CADM1: variants seen among roughly 807,000 people sequenced by gnomAD.
The protein encoded by CADM1 is TSLC-1.
Under a neutral mutation model 53.1 loss-of-function variants are expected in CADM1, and 15 were observed. The observed-to-expected ratio is 0.28, with a 90% CI of 0.19 to 0.44. The LOEUF is 0.44. Among genes scored for constraint, CADM1 ranks in the 20% least tolerant of loss-of-function variants. The pLI is 1.00. For synonymous variants in CADM1, 281 were observed against 243.0 expected, an observed-to-expected ratio of 1.16 and a Z score of -1.45; for missense variants, 434 against 611.3, an observed-to-expected ratio of 0.71 and a Z score of 3.06.
intron 1 of CADM1, among the ~76,000 whole-genome samples, chr11:115,388,297 T>C (rs907552674): frequency 6.6e-6 from 1 of 152,046 alleles, no homozygotes; most frequent in African/African-American, 2.4e-5. Context: ...AAATTCTTTA[T>C]AGGAGAATGC....
intron 1 of CADM1, among the ~76,000 whole-genome samples, chr11:115,448,040 A>G (rs1033029147): frequency 1.3e-5 from 2 of 152,142 alleles, no homozygotes; most frequent in African/African-American, 4.8e-5. Context: ...AACGAGTCAC[A>G]GTAAGCTTTC....
At chr11:115,482,282 T>C (rs751353806) in intron 1 of CADM1, among the ~76,000 whole-genome samples, 4 of 152,222 alleles carry the variant, frequency 2.6e-5, no homozygotes, top group Non-Finnish European at 5.9e-5. Context: ...TCCTGAACTA[T>C]ATCTATTATG....
At chr11:115,400,567 T>C (rs1947112264) in intron 1 of CADM1, among the ~76,000 whole-genome samples, 1 of 143,518 alleles carries the variant, frequency 7.0e-6, no homozygotes, top group Non-Finnish European at 1.5e-5. Context: ...TGGTGATATA[T>C]ATATATATAT....
rs748855180 is a variant in CADM1, at chr11:115,174,273, T to G, written c.*2201A>C. On this transcript the variant is annotated 3_prime_UTR_variant, in exon 12 of 12. Transcript: ENST00000331581. ...TCTGTGAGCAATGGTGTGATTTTTT[T>G]TTTTTGTTTTTGTTTTTGTTTTTCT... 1,940 of 570,240 alleles carry G rather than the reference T, an allele frequency of 3.4e-3. 3 individuals are homozygous for G. The highest frequency in any genetic ancestry group is 4.2e-3 in the African/African-American group (205 of 48,644). 35.3% of individuals were successfully genotyped at this position (570,240 alleles called of 1,614,324 possible). A position where few individuals can be genotyped will look rare whatever the true frequency, so the allele number is the denominator to read the frequency against.
intron 1 of CADM1, among the ~76,000 whole-genome samples, chr11:115,283,222 G>C (rs1943634066): frequency 6.6e-6 from 1 of 152,166 alleles, no homozygotes; most frequent in African/African-American, 2.4e-5. Flanking sequence ...GCATTTTAGA[G>C]GCTACGCAAA....
At chr11:115,372,344 G>T (rs925343245) in intron 1 of CADM1, among the ~76,000 whole-genome samples, 1 of 151,692 alleles carries the variant, frequency 6.6e-6, no homozygotes, top group Non-Finnish European at 1.5e-5. Context: ...TTCTTATATT[G>T]TACTTTTGGA....
intron 1 of CADM1, among the ~76,000 whole-genome samples, chr11:115,412,749 A>C (rs1409967702): frequency 3.3e-5 from 5 of 152,144 alleles, no homozygotes; most frequent in Admixed American, 3.3e-4. Flanking sequence ...ATTTACCATT[A>C]ATCTATCCTA....
At chr11:115,315,841 C>T (rs1258679127) in intron 1 of CADM1, among the ~76,000 whole-genome samples, 13 of 152,268 alleles carry the variant, frequency 8.5e-5, no homozygotes, top group Middle Eastern at 3.4e-3. Flanking sequence ...TTCTTTCTTT[C>T]CCATTTTAGT....
At chr11:115,482,655 G>A (rs1297132633) in intron 1 of CADM1, among the ~76,000 whole-genome samples, 1 of 152,148 alleles carries the variant, frequency 6.6e-6, no homozygotes, top group East Asian at 1.9e-4. Context: ...GGTTAATTCT[G>A]TTTGGAAAAT....
intron 1 of CADM1, among the ~76,000 whole-genome samples, chr11:115,416,948 C>G (rs1016438766): frequency 6.6e-6 from 1 of 152,088 alleles, no homozygotes; most frequent in Non-Finnish European, 1.5e-5. Flanking sequence ...TAAACCAATA[C>G]AGTAAAAGCA....
chr11:115,343,658 T>A (rs1278860287), intron 1 of CADM1, among the ~76,000 whole-genome samples: 1 of 151,568 alleles, frequency 6.6e-6, no homozygotes, highest in Non-Finnish European at 1.5e-5. Flanking sequence ...TCTATCAGAT[T>A]ATACACATCA....
rs220856 is a variant in CADM1, at chr11:115,439,748, C to T, written c.124+64523G>A. The stretch of plus-strand genomic sequence containing the variant: ...GTGTTTTGAGAGAGAGAATCCATAA[C>T]ACTCCAGTAGCACAGAAGGTCTTTT... On this transcript the variant is annotated intron_variant, in intron 1 of 11. Coordinates refer to ENST00000331581, the MANE Select transcript of CADM1 (RefSeq NM_001301043.2). Among the ~76,000 whole-genome samples the T allele has an allele frequency of 5.8e-3, 879 of 152,340 alleles. 11 individuals carry two copies. The highest frequency in any genetic ancestry group is 0.019 in the African/African-American group (806 of 41,574).
intron 1 of CADM1, among the ~76,000 whole-genome samples, chr11:115,361,598 A>AC (rs1486474622): frequency 6.6e-6 from 1 of 152,196 alleles, no homozygotes; most frequent in Non-Finnish European, 1.5e-5. Context: ...TCTAAGAGCC[A>AC]AATTTATTTC....
intron 1 of CADM1, among the ~76,000 whole-genome samples, chr11:115,315,696 A>T (rs1418231298): frequency 6.6e-6 from 1 of 152,066 alleles, no homozygotes; most frequent in East Asian, 1.9e-4. Context: ...AATAATCAAA[A>T]CACCACCAAA....
intron 1 of CADM1, among the ~76,000 whole-genome samples, chr11:115,395,028 T>C (rs1003549559): frequency 5.9e-5 from 9 of 152,162 alleles, no homozygotes; most frequent in African/African-American, 2.2e-4. Flanking sequence ...AAAAATCAAA[T>C]ACACGTGTGA....
At chr11:115,485,273 C>G (rs1949349044) in intron 1 of CADM1, among the ~76,000 whole-genome samples, 1 of 152,184 alleles carries the variant, frequency 6.6e-6, no homozygotes, top group African/African-American at 2.4e-5. Context: ...ACACACCTTC[C>G]TTAAGATTCA....
In CADM1 at chr11:115,173,932, T is replaced by TA. The variant is rs915789891; in HGVS notation, c.*2541dup. The TA allele has an allele frequency of 6.2e-6, 6 of 967,560 alleles. No individual in the cohort carries two copies. Among genetic ancestry groups the TA allele is most frequent in the Admixed American group, 1.2e-4 (2 of 16,250 alleles). The allele number at this position is 967,560 out of a possible 1,614,324, so 59.9% of individuals were successfully genotyped here. ...AAACAAGTTTGTTCTTTCTTCACTC[T>TA]AAAAAAAGTGATCAACCTGTACAAA... On this transcript the variant is annotated 3_prime_UTR_variant, in exon 12 of 12. Coordinates refer to ENST00000331581, the MANE Select transcript of CADM1 (RefSeq NM_001301043.2).
rs1278353662 is a variant in CADM1 at position 115,461,827 on chromosome 11, G to A, written c.124+42444C>T. ...ACAGGGAAGTTTGAGAGGGCAGGGGGACTCCCAGGGGTAGCAGGAACAGCA... is the reference window on the plus strand; with the variant it reads ...ACAGGGAAGTTTGAGAGGGCAGGGGAACTCCCAGGGGTAGCAGGAACAGCA... On this transcript the variant is annotated intron_variant, in intron 1 of 11. Coordinates refer to ENST00000331581, the MANE Select transcript of CADM1 (RefSeq NM_001301043.2). Among the ~76,000 whole-genome samples the A allele has an allele frequency of 2.6e-5, 4 of 152,192 alleles. No homozygotes were observed. The South Asian group carries it at 6.2e-4, about 24-fold the overall frequency.
At chr11:115,345,931 AAAGAT>A (rs143608559) in intron 1 of CADM1, among the ~76,000 whole-genome samples, 38,789 of 151,920 alleles carry the variant, frequency 0.26, 5,470 homozygotes, top group East Asian at 0.44. Context: ...AATTATCTGA[AAAGAT>A]AATAAAGTGA....
Sources: allele counts gnomAD v4.1 joint callset (sites outside exome capture counted in the v4.1 genomes callset), GRCh38; gene constraint gnomAD v4.1.1; transcripts MANE v1.5; gene names NCBI Gene and HGNC (gene_info 2026-07-23, HGNC 2026-07-21).